BLTP1: variants seen among roughly 807,000 people sequenced by gnomAD.
BLTP1 encodes the protein bridge-like lipid transfer protein family member 1.
the BLTP1 span, chr4:122,307,800 T>A: frequency 4.8e-6 from 7 of 1,458,130 alleles, no homozygotes; most frequent in Admixed American, 1.1e-4. Flanking sequence ...CTATATGTCC[T>A]CTTAGATCTT....
chr4:122,264,407 G>C, the BLTP1 span: 1 of 1,607,432 alleles, frequency 6.2e-7, no homozygotes, highest in Non-Finnish European at 8.5e-7. Context: ...GTTTCCTGCT[G>C]TTCAGCTTGC....
chr4:122,316,435 C>A, the BLTP1 span: 1 of 482,310 alleles, frequency 2.1e-6, no homozygotes. Flanking sequence ...CCTGACACCC[C>A]CAAATCAGCG....
At chr4:122,176,823 A>G in the BLTP1 span, among the ~76,000 whole-genome samples, 3 of 152,220 alleles carry the variant, frequency 2.0e-5, no homozygotes, top group African/African-American at 7.2e-5. Context: ...CCTCAGATTT[A>G]TCACATGACT....
the BLTP1 span, chr4:122,362,388 G>A: frequency 1.5e-6 from 1 of 648,130 alleles, no homozygotes; most frequent in Non-Finnish European, 2.5e-6. Context: ...AAGTTAACCT[G>A]TTCTAGTTCC....
the BLTP1 span, chr4:122,181,296 G>A: frequency 0.02 from 18,297 of 913,038 alleles, 1,222 homozygotes; most frequent in African/African-American, 0.21. Context: ...TGCTCCTGGC[G>A]CAGAATTTGG....
the BLTP1 span, chr4:122,259,875 A>T: frequency 1.1e-6 from 1 of 916,580 alleles, no homozygotes; most frequent in East Asian, 1.2e-4. Flanking sequence ...AAAAAATTTT[A>T]ACTTTCTTTG....
chr4:122,321,272 G>A, the BLTP1 span, among the ~76,000 whole-genome samples: 1 of 151,892 alleles, frequency 6.6e-6, no homozygotes, highest in Non-Finnish European at 1.5e-5. Context: ...TCTACTTTCA[G>A]TAACACTATA....
chr4:122,345,606 A>G, the BLTP1 span, among the ~76,000 whole-genome samples: 1 of 151,840 alleles, frequency 6.6e-6, no homozygotes, highest in Non-Finnish European at 1.5e-5. Context: ...GGAGGGACTC[A>G]TATCATATGC....
chr4:122,222,046 A>T, the BLTP1 span: 5,799 of 269,184 alleles, frequency 0.022, 367 homozygotes, highest in African/African-American at 0.13. Flanking sequence ...TTAGAGAAGG[A>T]GTTCATGGAG....
chr4:122,340,735 G>C, the BLTP1 span: 1 of 984,890 alleles, frequency 1.0e-6, no homozygotes, highest in Non-Finnish European at 1.2e-6. Flanking sequence ...AAATATTGCT[G>C]TTGGAGTTGT....
At chr4:122,186,454 G>A in the BLTP1 span, among the ~76,000 whole-genome samples, 5 of 151,704 alleles carry the variant, frequency 3.3e-5, no homozygotes, top group South Asian at 2.1e-4. Context: ...ACTTTTCTCC[G>A]TATTAATAAC....
the BLTP1 span, chr4:122,315,390 T>C: frequency 3.8e-6 from 6 of 1,584,476 alleles, no homozygotes; most frequent in East Asian, 1.3e-4. Flanking sequence ...ATGTGGCCAT[T>C]ATTACTTTGT....
chr4:122,328,096 ACAAT>A, the BLTP1 span: 1 of 1,504,004 alleles, frequency 6.6e-7, no homozygotes. Flanking sequence ...TTTTCTTTTT[ACAAT>A]CAGTTTCCAG....
At chr4:122,185,980 A>T in the BLTP1 span, 1 of 1,353,474 alleles carries the variant, frequency 7.4e-7, no homozygotes, top group Admixed American at 2.4e-5. Flanking sequence ...TTTGAGTAAA[A>T]ACTTTGAAGT....
chr4:122,235,059 A>C, the BLTP1 span: 1 of 1,514,146 alleles, frequency 6.6e-7, no homozygotes, highest in South Asian at 1.2e-5. Flanking sequence ...CTAATTGTTT[A>C]CTTTCTTCAT....
At chr4:122,349,838 A>G in the BLTP1 span, 16 of 1,610,416 alleles carry the variant, frequency 9.9e-6, no homozygotes, top group Non-Finnish European at 1.4e-5. The surrounding 1 kb of genome is among the most constrained non-coding windows in gnomAD (Gnocchi z 4.5). Flanking sequence ...TCTGACAAAG[A>G]TTTTGTTTTA....
chr4:122,187,085 G>A, the BLTP1 span: 1 of 983,930 alleles, frequency 1.0e-6, no homozygotes, highest in Non-Finnish European at 1.2e-6. Flanking sequence ...AATAACTTTG[G>A]CTGTCTTATA....
the BLTP1 span, among the ~76,000 whole-genome samples, chr4:122,235,788 G>A: frequency 6.6e-6 from 1 of 151,974 alleles, no homozygotes; most frequent in African/African-American, 2.4e-5. Context: ...CTGGGCGACA[G>A]AGCGAGACTC....
the BLTP1 span, among the ~76,000 whole-genome samples, chr4:122,301,837 G>C: frequency 6.6e-6 from 1 of 152,168 alleles, no homozygotes; most frequent in Admixed American, 6.5e-5. Flanking sequence ...TGATGCAGGA[G>C]GATTGCTTGA....
Sources: gnomAD v4.1 joint callset for allele counts (sites outside exome capture counted in the v4.1 genomes callset) on GRCh38, gnomAD v4.1.1 for gene constraint, Gnocchi (gnomAD v3.1) non-coding constraint, MANE v1.5 for transcripts, NCBI Gene and HGNC (gene_info 2026-07-23, HGNC 2026-07-21) for gene names.